GLG1: variants seen among roughly 807,000 people sequenced by gnomAD.
GLG1 encodes golgi glycoprotein 1.
In GLG1, 38 loss-of-function variants were observed where a neutral mutation model predicts 160.5. The ratio of observed to expected loss-of-function variants is 0.24; its 90% confidence interval spans 0.18 to 0.31. The LOEUF is 0.31. Ranked by LOEUF, GLG1 falls within the 10% of genes least tolerant of loss-of-function variation. The probability of loss-of-function intolerance (pLI) is 1.00; values close to 1 mark genes in which losing one functional copy is unlikely to be tolerated. For missense variants in GLG1, 1,373 were observed against 1,505.2 expected, an observed-to-expected ratio of 0.91 and a Z score of 1.45; for synonymous variants, 644 against 543.4, an observed-to-expected ratio of 1.19 and a Z score of -2.57.
chr16:74,575,972 G>C (rs2018991192), intron 1 of GLG1, among the ~76,000 whole-genome samples: 3 of 152,060 alleles, frequency 2.0e-5, no homozygotes, highest in Admixed American at 2.0e-4. Flanking sequence ...AGGCCAAGGT[G>C]GCAGATCACC....
chr16:74,597,662 A>G (rs1175835471), intron 1 of GLG1, among the ~76,000 whole-genome samples: 1 of 151,498 alleles, frequency 6.6e-6, no homozygotes, highest in East Asian at 2.0e-4. Flanking sequence ...GACCATCCTG[A>G]CTAACACAGT....
intron 2 of GLG1, among the ~76,000 whole-genome samples, chr16:74,516,836 A>C (rs2016994703): frequency 1.3e-5 from 2 of 152,024 alleles, no homozygotes; most frequent in Non-Finnish European, 2.9e-5. Flanking sequence ...AGAGACAAGA[A>C]TCAAATAGAC....
Position 74,506,268 on chromosome 16 carries a change from G to A in GLG1, c.559-2522C>T, listed in dbSNP as rs184678722. Among the ~76,000 whole-genome samples, 5 of 151,726 alleles carry A rather than the reference G, an allele frequency of 3.3e-5. 1 individual carries two copies. Among genetic ancestry groups the A allele is most frequent in the African/African-American group, 1.2e-4 (5 of 41,348 alleles). Reference sequence around the variant, plus strand: ...ACATTTTTCCAGGCCCTAATATTGAGCAACCAAAAGTTTTAAAACATCTCA... The same window carrying A: ...ACATTTTTCCAGGCCCTAATATTGAACAACCAAAAGTTTTAAAACATCTCA... On this transcript the variant is annotated intron_variant, in intron 3 of 25. Transcript: ENST00000422840.
chr16:74,567,554 CTTTTTTTTTTTT>C (rs869140658), intron 1 of GLG1, among the ~76,000 whole-genome samples: 3 of 66,450 alleles, frequency 4.5e-5, no homozygotes, highest in South Asian at 7.2e-4. Flanking sequence ...GGTGCACTTT[CTTTTTTTTTTTT>C]TTTTTTTTTT....
intron 14 of GLG1, among the ~76,000 whole-genome samples, chr16:74,472,012 C>T (rs903603338): frequency 6.6e-6 from 1 of 152,144 alleles, no homozygotes; most frequent in African/African-American, 2.4e-5. Flanking sequence ...TCAAGTGATC[C>T]TCCCACCTCT....
At chr16:74,456,512 C>A in intron 25 of GLG1, 137 bp downstream of exon 25, 1 of 670,126 alleles carries the variant, frequency 1.5e-6, no homozygotes, top group Non-Finnish European at 2.6e-6. Context: ...AGGACAAGAC[C>A]AGTGCGATAT....
At chr16:74,466,597 C>T (rs2015008695) in intron 18 of GLG1, among the ~76,000 whole-genome samples, 1 of 152,028 alleles carries the variant, frequency 6.6e-6, no homozygotes, top group African/African-American at 2.4e-5. Context: ...GAGTCAAAAA[C>T]TGAGGGAAAG....
At chr16:74,603,092 A>ACAG (rs201632848) in intron 1 of GLG1, among the ~76,000 whole-genome samples, 26 of 151,194 alleles carry the variant, frequency 1.7e-4, no homozygotes, top group South Asian at 1.7e-3. Flanking sequence ...TTCGTCTCAA[A>ACAG]CAACAACAAC....
At chr16:74,560,222 A>C (rs954403621) in intron 1 of GLG1, among the ~76,000 whole-genome samples, 2 of 152,022 alleles carry the variant, frequency 1.3e-5, no homozygotes, top group African/African-American at 4.8e-5. Context: ...CCATCAGTTG[A>C]AGGTCTGAAT....
intron 2 of GLG1, among the ~76,000 whole-genome samples, chr16:74,521,015 T>G (rs2017146618): frequency 6.6e-6 from 1 of 152,020 alleles, no homozygotes; most frequent in African/African-American, 2.4e-5. Flanking sequence ...CAAGGTGAAT[T>G]GAAAGTAGGG....
At chr16:74,512,622 G>C (rs1228742010) in intron 2 of GLG1, among the ~76,000 whole-genome samples, 2 of 151,138 alleles carry the variant, frequency 1.3e-5, no homozygotes, top group Non-Finnish European at 2.9e-5. Context: ...AACGTGTAAT[G>C]AGTAACTACT....
intron 25 of GLG1, among the ~76,000 whole-genome samples, chr16:74,455,643 T>G (rs1308415290): frequency 6.6e-6 from 1 of 152,104 alleles, no homozygotes; most frequent in Non-Finnish European, 1.5e-5. Context: ...ACCCTTGACT[T>G]GGAAGTAAAA....
intron 3 of GLG1, among the ~76,000 whole-genome samples, chr16:74,506,602 A>G (rs866045266): frequency 6.7e-6 from 1 of 149,272 alleles, no homozygotes; most frequent in Non-Finnish European, 1.5e-5. Context: ...AAAAAAAAAA[A>G]AACTCAAGAG....
chr16:74,497,799 T>G (rs1396406346), intron 4 of GLG1, among the ~76,000 whole-genome samples: 1 of 152,194 alleles, frequency 6.6e-6, no homozygotes, highest in Non-Finnish European at 1.5e-5. Context: ...AGTTAGAGAC[T>G]TTCTTGCTCC....
At chr16:74,587,851 C>T (rs1304483016) in intron 1 of GLG1, among the ~76,000 whole-genome samples, 1 of 151,574 alleles carries the variant, frequency 6.6e-6, no homozygotes, top group Admixed American at 6.6e-5. Flanking sequence ...TGAGACTCCG[C>T]TTCAAAAAAG....
chr16:74,512,002 T>C (rs1250016326), intron 2 of GLG1, among the ~76,000 whole-genome samples: 1 of 152,086 alleles, frequency 6.6e-6, no homozygotes, highest in Non-Finnish European at 1.5e-5. Flanking sequence ...TACAATTCAG[T>C]GGTTTTTTAC....
rs796645364 is a variant in GLG1, at chr16:74,520,359, G to A, written c.472-11434C>T. 1.1e-4 allele frequency among the ~76,000 whole-genome samples: 16 copies of A among 152,232 alleles called. No homozygotes were observed. The South Asian group carries it at 1.2e-3, about 12-fold the overall frequency. On this transcript the variant is annotated intron_variant, in intron 2 of 25. Transcript: ENST00000422840. ...GGGCTTTATTTAAAAACACGTGGCC[G>A]GAGACGGTGGCTCACACCTGTAATC...
intron 23 of GLG1, among the ~76,000 whole-genome samples, chr16:74,459,156 A>G (rs1207804707): frequency 6.6e-6 from 1 of 152,234 alleles, no homozygotes; most frequent in South Asian, 2.1e-4. Flanking sequence ...CAATTATTCA[A>G]TAATGACATC....
rs532151510 is a variant in GLG1, at chr16:74,521,357, A to T, written c.471+10764T>A. 2.6e-5 allele frequency among the ~76,000 whole-genome samples: 4 copies of T among 152,312 alleles called. No individual in the cohort carries two copies. The South Asian group carries it at 6.2e-4, about 24-fold the overall frequency. On this transcript the variant is annotated intron_variant, in intron 2 of 25. Coordinates refer to ENST00000422840, the MANE Select transcript of GLG1 (RefSeq NM_001145667.2). ...AGAGGGATCATTCCAGCTGTAGGAT[A>T]GACTAAGCAGGAGGGAGACTGCTTA...
Sources: gnomAD v4.1 joint callset for allele counts (sites outside exome capture counted in the v4.1 genomes callset) on GRCh38, gnomAD v4.1.1 for gene constraint, MANE v1.5 for transcripts, NCBI Gene and HGNC (gene_info 2026-07-23, HGNC 2026-07-21) for gene names.